AIG1: variants seen among roughly 807,000 people sequenced by gnomAD.
The protein encoded by AIG1 is androgen-induced gene 1 protein.
A neutral mutation model predicts 31.4 loss-of-function variants in AIG1; 23 were observed. That is an observed-to-expected ratio of 0.73 (90% CI 0.53 to 1.04). AIG1 has a LOEUF of 1.04. AIG1 is among the 50% of genes least tolerant of loss of function. AIG1 has a pLI of 0.00. For synonymous variants in AIG1, 100 were observed against 110.5 expected (o/e 0.90, Z 0.60); for missense variants, 274 against 295.0 (o/e 0.93, Z 0.52).
intron 5 of AIG1, among the ~76,000 whole-genome samples, chr6:143,336,115 G>A (rs1319479073): frequency 6.6e-6 from 1 of 152,104 alleles, no homozygotes; most frequent in Non-Finnish European, 1.5e-5. Context: ...AGTGTGTTAG[G>A]ATGAATTGAG....
At chr6:143,336,143 C>A (rs1387196286) in intron 5 of AIG1, among the ~76,000 whole-genome samples, 4 of 152,148 alleles carry the variant, frequency 2.6e-5, no homozygotes, top group Non-Finnish European at 1.5e-5. Context: ...GAGTACAGTA[C>A]TACAATCCTG....
chr6:143,088,374 A>G (rs533376248), intron 1 of AIG1, among the ~76,000 whole-genome samples: 1 of 152,308 alleles, frequency 6.6e-6, no homozygotes, highest in African/African-American at 2.4e-5. Context: ...AACTATTATG[A>G]CATATACTAT....
At chr6:143,194,053 T>G (rs962087335) in intron 3 of AIG1, among the ~76,000 whole-genome samples, 2 of 152,302 alleles carry the variant, frequency 1.3e-5, no homozygotes, top group Admixed American at 6.5e-5. Flanking sequence ...ACAAATGATT[T>G]ATGAGGGCAT....
At chr6:143,251,312 A>G (rs1003638723) in intron 3 of AIG1, among the ~76,000 whole-genome samples, 9 of 152,050 alleles carry the variant, frequency 5.9e-5, no homozygotes, top group Non-Finnish European at 4.4e-5. Flanking sequence ...TCAGCCTCCC[A>G]AAGTGCTGGG....
At chr6:143,244,406 GT>G (rs553945978) in intron 3 of AIG1, among the ~76,000 whole-genome samples, 1 of 152,200 alleles carries the variant, frequency 6.6e-6, no homozygotes, top group Non-Finnish European at 1.5e-5. Context: ...TAGGTAAGAT[GT>G]TAAGGGTTTT....
chr6:143,244,232 C>T (rs76844975), intron 3 of AIG1, among the ~76,000 whole-genome samples: 233 of 152,202 alleles, frequency 1.5e-3, no homozygotes, highest in African/African-American at 5.3e-3. Context: ...TGAACACAGA[C>T]GAGATTGGCA....
intron 3 of AIG1, among the ~76,000 whole-genome samples, chr6:143,205,191 G>A (rs539503257): frequency 2.0e-5 from 3 of 152,274 alleles, no homozygotes; most frequent in Non-Finnish European, 2.9e-5. Flanking sequence ...TTCCCAGTTC[G>A]TGCTTTTAAG....
intron 4 of AIG1, among the ~76,000 whole-genome samples, chr6:143,324,686 T>C (rs1776465102): frequency 1.3e-5 from 2 of 152,226 alleles, no homozygotes; most frequent in South Asian, 2.1e-4. Context: ...CTTTAGCACA[T>C]GTGCATTCAG....
chr6:143,252,660 G>A (rs1001292276), intron 3 of AIG1, among the ~76,000 whole-genome samples: 3 of 152,186 alleles, frequency 2.0e-5, no homozygotes, highest in Non-Finnish European at 4.4e-5. Context: ...AGATGTCTAC[G>A]TTTGGTTAGA....
chr6:143,130,877 C>A (rs1218151682), intron 1 of AIG1, among the ~76,000 whole-genome samples: 1 of 152,156 alleles, frequency 6.6e-6, no homozygotes, highest in Non-Finnish European at 1.5e-5. Context: ...CTCTTCCCAC[C>A]TCCACCCCTC....
chr6:143,334,236 T>C lies in AIG1; in HGVS notation c.679+791T>C. 1.2e-6 allele frequency: 1 copy of C among 839,086 alleles called. No homozygotes were observed. Among genetic ancestry groups the C allele is most frequent in the Non-Finnish European group, 1.7e-6 (1 of 571,432 alleles). The allele number at this position is 839,086 out of a possible 1,614,324, so 52.0% of individuals were successfully genotyped here. A position where few individuals can be genotyped will look rare whatever the true frequency, so the allele number is the denominator to read the frequency against. On this transcript the variant is annotated intron_variant, in intron 5 of 5. Transcript: ENST00000357847. The surrounding 1 kb of genome is among the most constrained non-coding windows in gnomAD (Gnocchi z 5.1). ...AAAATACATCCAAAGGCAAGATGGT[T>C]TGGAGATTTTAGGAAGCCCTGGCTC...
Position 143,253,779 on chromosome 6 carries a change from A to G in AIG1, c.400-30331A>G, listed in dbSNP as rs1795174994. On this transcript the variant is annotated intron_variant, in intron 3 of 5. Transcript: ENST00000357847. Reference sequence around the variant, plus strand: ...CTTCAAATTCTTAAAACTAAACAGAAACTTCCACTCCAACAACACTTAATC... The same window carrying G: ...CTTCAAATTCTTAAAACTAAACAGAGACTTCCACTCCAACAACACTTAATC... Among the ~76,000 whole-genome samples the G allele has an allele frequency of 1.3e-5, 2 of 152,204 alleles. 1 individual carries two copies. The highest frequency in any genetic ancestry group is 4.1e-4 in the South Asian group (2 of 4,828).
chr6:143,242,711 C>T (rs761861192), intron 3 of AIG1, among the ~76,000 whole-genome samples: 3 of 152,160 alleles, frequency 2.0e-5, no homozygotes, highest in Non-Finnish European at 2.9e-5. Flanking sequence ...AAAGATGGCA[C>T]CTACAGATAA....
At chr6:143,069,192 T>A (rs1195810695) in intron 1 of AIG1, among the ~76,000 whole-genome samples, 3 of 152,116 alleles carry the variant, frequency 2.0e-5, no homozygotes, top group Non-Finnish European at 4.4e-5. Context: ...TTTTTTTGTA[T>A]TTTTAGTAGA....
chr6:143,211,516 G>A (rs932205414), intron 3 of AIG1, among the ~76,000 whole-genome samples: 9 of 152,314 alleles, frequency 5.9e-5, no homozygotes, highest in African/African-American at 2.2e-4. Context: ...AATATTTAAT[G>A]TGAAAATATC....
In AIG1 at chr6:143,200,102, A is replaced by G. The variant is rs368025117; in HGVS notation, c.399+34919A>G. 1.2e-4 allele frequency among the ~76,000 whole-genome samples: 18 copies of G among 152,268 alleles called. No homozygotes were observed. The South Asian group carries it at 3.7e-3, about 32-fold the overall frequency. ...AGAGGATCTGACTGAGAAAATTGAT[A>G]CTTTTTATAAGGATGTATAGTTTTG... On this transcript the variant is annotated intron_variant, in intron 3 of 5. Coordinates refer to ENST00000357847, the MANE Select transcript of AIG1 (RefSeq NM_016108.4).
At chr6:143,192,058 A>G (rs960952876) in intron 3 of AIG1, among the ~76,000 whole-genome samples, 5 of 152,258 alleles carry the variant, frequency 3.3e-5, no homozygotes, top group African/African-American at 1.2e-4. Context: ...TGTAAAAAAC[A>G]TAAAAGTGAT....
chr6:143,187,914 G>T, intron 3 of AIG1: 1 of 1,343,992 alleles, frequency 7.4e-7, no homozygotes, highest in Non-Finnish European at 9.5e-7. Context: ...GGATGAACAT[G>T]AATTTTTAAC....
At chr6:143,220,485 A>G (rs1379327220) in intron 3 of AIG1, among the ~76,000 whole-genome samples, 1 of 152,150 alleles carries the variant, frequency 6.6e-6, no homozygotes, top group Non-Finnish European at 1.5e-5. Flanking sequence ...TATAATCTCT[A>G]TCATACAGAT....
Sources: allele counts gnomAD v4.1 joint callset (sites outside exome capture counted in the v4.1 genomes callset), GRCh38; gene constraint gnomAD v4.1.1; non-coding constraint Gnocchi (gnomAD v3.1); transcripts MANE v1.5; gene names NCBI Gene and HGNC (gene_info 2026-07-23, HGNC 2026-07-21).